RAB18: variants seen among roughly 807,000 people sequenced by gnomAD.
The protein encoded by RAB18 is ras-related protein Rab-18.
A neutral mutation model predicts 28.5 loss-of-function variants in RAB18; 10 were observed. That is an observed-to-expected ratio of 0.35 (90% CI 0.22 to 0.60). The LOEUF (loss-of-function observed/expected upper bound fraction) is 0.60. Among genes scored for constraint, RAB18 ranks in the 20% least tolerant of loss-of-function variants. The pLI, the probability that RAB18 is intolerant of heterozygous loss-of-function variation, is 0.78. For missense variants in RAB18, 188 were observed against 244.2 expected, an observed-to-expected ratio of 0.77 and a Z score of 1.53; for synonymous variants, 93 against 86.9, an observed-to-expected ratio of 1.07 and a Z score of -0.39.
rs1280749206 is a variant in RAB18 at position 27,541,111 on chromosome 10, G to GT, written c.*3061dup. ...TCTTTCTTGGGGGTACATTTCACTA[G>GT]TAATACTTAGGAAGTTATTTTGTCT... On this transcript the variant is annotated 3_prime_UTR_variant, in exon 7 of 7. Coordinates refer to ENST00000356940, the MANE Select transcript of RAB18 (RefSeq NM_021252.5). 2.2e-6 allele frequency: 1 copy of GT among 453,874 alleles called. No individual in the cohort carries two copies. The highest frequency in any genetic ancestry group is 4.4e-6 in the Non-Finnish European group (1 of 226,738). The allele number at this position is 453,874 out of a possible 1,614,324, so 28.1% of individuals were successfully genotyped here.
intron 4 of RAB18, 116 bp from the exon 5 acceptor site, chr10:27,533,617 CAA>C (rs1218024013): frequency 4.1e-6 from 5 of 1,210,734 alleles, no homozygotes; most frequent in Non-Finnish European, 5.8e-6. Flanking sequence ...TCGTTGAAGA[CAA>C]TAAAAAAAAG....
intron 5 of RAB18, 34 bp from the exon 6 acceptor site, chr10:27,533,894 G>A (rs1220008477): frequency 1.2e-6 from 2 of 1,609,182 alleles, no homozygotes; most frequent in South Asian, 1.1e-5. Context: ...CTATATTTTG[G>A]TAGCCTTTCT....
At chr10:27,514,482 G>T (rs1209152619) in intron 2 of RAB18, among the ~76,000 whole-genome samples, 1 of 152,116 alleles carries the variant, frequency 6.6e-6, no homozygotes, top group Non-Finnish European at 1.5e-5. Context: ...TTACTGAAAT[G>T]AAGATGAAAT....
intron 3 of RAB18, among the ~76,000 whole-genome samples, chr10:27,527,869 G>C (rs1834709631): frequency 6.6e-6 from 1 of 152,024 alleles, no homozygotes; most frequent in Non-Finnish European, 1.5e-5. Flanking sequence ...ACAAATAATT[G>C]TGTAAGTGTG....
At chr10:27,513,034 T>TATATATATATATA (rs200640744) in intron 2 of RAB18, among the ~76,000 whole-genome samples, 30 of 116,404 alleles carry the variant, frequency 2.6e-4, no homozygotes, top group African/African-American at 8.1e-4. Context: ...ATATATATAT[T>TATATATATATATA]TTTTTTTTTT....
intron 2 of RAB18, among the ~76,000 whole-genome samples, chr10:27,511,683 T>C (rs1834325445): frequency 6.6e-6 from 1 of 152,216 alleles, no homozygotes; most frequent in African/African-American, 2.4e-5. Flanking sequence ...CAGAAGTGTT[T>C]TTCAGAACAT....
Position 27,527,064 on chromosome 10 carries a change from G to T in RAB18, c.186+175G>T, listed in dbSNP as rs757581404. The stretch of plus-strand genomic sequence containing the variant: ...TAATGTCTTATAATTGGGTAATTAG[G>T]CAGCTATGTTTTGTTTAAATTTTCA... On this transcript the variant is annotated intron_variant, in intron 3 of 6. Coordinates refer to ENST00000356940, the MANE Select transcript of RAB18 (RefSeq NM_021252.5). The T allele has an allele frequency of 2.7e-5, 21 of 763,706 alleles. No homozygotes were observed. The African/African-American group carries it at 3.4e-4, about 12-fold the overall frequency. 47.3% of individuals were successfully genotyped at this position (763,706 alleles called of 1,614,324 possible). A position where few individuals can be genotyped will look rare whatever the true frequency, so the allele number is the denominator to read the frequency against.
At chr10:27,526,608 T>C (rs1256544004) in intron 2 of RAB18, among the ~76,000 whole-genome samples, 1 of 152,296 alleles carries the variant, frequency 6.6e-6, no homozygotes. Context: ...GGTAGGTGAG[T>C]GAGTGAATTC....
chr10:27,535,589 C>A (rs1834877870), intron 6 of RAB18, among the ~76,000 whole-genome samples: 1 of 152,136 alleles, frequency 6.6e-6, no homozygotes, highest in Admixed American at 6.5e-5. Context: ...TGACCTGATA[C>A]TCTAAAAAGA....
intron 3 of RAB18, among the ~76,000 whole-genome samples, chr10:27,529,588 A>T (rs576744023): frequency 6.6e-6 from 1 of 152,050 alleles, no homozygotes; most frequent in South Asian, 2.1e-4. Flanking sequence ...AAGCCTTTCT[A>T]GATCTTTCCT....
intron 2 of RAB18, among the ~76,000 whole-genome samples, chr10:27,522,968 A>G (rs1366749475): frequency 6.6e-6 from 1 of 151,846 alleles, no homozygotes; most frequent in Non-Finnish European, 1.5e-5. Flanking sequence ...TTTTGGATTC[A>G]TTGATTTTTG....
intron 3 of RAB18, among the ~76,000 whole-genome samples, chr10:27,529,173 C>T (rs1161426760): frequency 6.6e-6 from 1 of 151,672 alleles, no homozygotes; most frequent in Non-Finnish European, 1.5e-5. Flanking sequence ...CCATATGCTA[C>T]AGATTTTTTT....
At chr10:27,536,093 AAGAG>A (rs1297430346) in intron 6 of RAB18, among the ~76,000 whole-genome samples, 3 of 151,790 alleles carry the variant, frequency 2.0e-5, no homozygotes, top group Non-Finnish European at 4.4e-5. Context: ...AAAAAAAAAA[AAGAG>A]AGCAATCAGA....
chr10:27,520,902 G>A (rs1834535782), intron 2 of RAB18, among the ~76,000 whole-genome samples: 1 of 99,920 alleles, frequency 1.0e-5, no homozygotes, highest in Non-Finnish European at 1.8e-5. Context: ...GGGTGACAGA[G>A]CAAGACTCCA....
intron 2 of RAB18, among the ~76,000 whole-genome samples, chr10:27,520,171 A>G (rs1373627357): frequency 6.6e-6 from 1 of 152,172 alleles, no homozygotes; most frequent in African/African-American, 2.4e-5. Context: ...CTTACTAGTT[A>G]TGGGTCTATT....
chr10:27,507,642 A>T (rs1837875881), intron 1 of RAB18, among the ~76,000 whole-genome samples: 1 of 151,674 alleles, frequency 6.6e-6, no homozygotes, highest in Non-Finnish European at 1.5e-5. Flanking sequence ...GTCACATCTA[A>T]GTGCCATGGT....
chr10:27,520,676 G>A (rs907074315), intron 2 of RAB18, among the ~76,000 whole-genome samples: 6 of 151,516 alleles, frequency 4.0e-5, no homozygotes, highest in Non-Finnish European at 8.8e-5. Context: ...CAGAACTTTG[G>A]GCGTCCAAGG....
chr10:27,510,601 G>T (rs1257501159), intron 2 of RAB18: 2 of 152,574 alleles, frequency 1.3e-5, no homozygotes, highest in Admixed American at 6.5e-5. Flanking sequence ...TAGTTGAAAG[G>T]TAGCTGAGCT....
intron 1 of RAB18, chr10:27,505,329 A>G (rs185101508): frequency 2.8e-6 from 1 of 359,396 alleles, no homozygotes; most frequent in Non-Finnish European, 5.5e-6. Context: ...TCCTTAAACC[A>G]CATTTGCACT....
Sources: gnomAD v4.1 joint callset for allele counts (sites outside exome capture counted in the v4.1 genomes callset) on GRCh38, gnomAD v4.1.1 for gene constraint, MANE v1.5 for transcripts, NCBI Gene and HGNC (gene_info 2026-07-23, HGNC 2026-07-21) for gene names.